Variants in RPAIN observed in about 807,000 individuals in gnomAD.
The protein encoded by RPAIN is RPA interacting protein.
Under a neutral mutation model 30.5 loss-of-function variants are expected in RPAIN, and 29 were observed. The ratio of observed to expected loss-of-function variants is 0.95; its 90% CI spans 0.71 to 1.30. The LOEUF is 1.30. Among genes scored for constraint, RPAIN ranks in the 50% most tolerant of loss-of-function variants. RPAIN has a pLI of 0.00. For missense variants in RPAIN, 247 were observed against 264.7 expected (o/e 0.93, Z 0.46); for synonymous variants, 101 against 93.5 (o/e 1.08, Z -0.46).
chr17:5,426,233 T>C lies in RPAIN; in HGVS notation c.426-3T>C. The C allele has an allele frequency of 1.2e-6, 2 of 1,614,164 alleles. No homozygotes were observed. The highest frequency in any genetic ancestry group is 1.7e-6 in the Non-Finnish European group (2 of 1,179,944). On this transcript the variant is annotated splice_polypyrimidine_tract_variant and splice_region_variant and intron_variant, in intron 4 of 6. Transcript: ENST00000381209. ...TGCTCTGGGATCCTAATTCTGCTTC[T>C]AGGTACAACCTGAGAATCACAAGCG...
chr17:5,425,460 C>T (rs1330664977), intron 3 of RPAIN: 5 of 406,470 alleles, frequency 1.2e-5, no homozygotes, highest in African/African-American at 2.1e-5. Context: ...CTCAGCCTCC[C>T]GAGTAGCTGG....
chr17:5,425,405 G>A (rs889196251), intron 3 of RPAIN: 10 of 446,006 alleles, frequency 2.2e-5, no homozygotes, highest in Non-Finnish European at 4.5e-5. Flanking sequence ...GCGCAATCTC[G>A]GATCACTGCA....
intron 6 of RPAIN, chr17:5,429,248 T>C (rs1416265858): frequency 2.4e-5 from 24 of 985,206 alleles, no homozygotes; most frequent in Non-Finnish European, 2.9e-5. Flanking sequence ...GCATTTAACT[T>C]GGCCTTGAAG....
chr17:5,422,269 G>C (rs186216420), intron 2 of RPAIN, among the ~76,000 whole-genome samples: 2 of 152,302 alleles, frequency 1.3e-5, no homozygotes, highest in African/African-American at 4.8e-5. Flanking sequence ...AATGTTTTCA[G>C]CATTGTAAGG....
intron 6 of RPAIN, chr17:5,431,591 C>T (rs1915955543): frequency 2.2e-6 from 1 of 455,898 alleles, no homozygotes; most frequent in Non-Finnish European, 4.4e-6. Context: ...TCCACTAGAC[C>T]TTTGGTTTTC....
chr17:5,429,411 C>T (rs1915699102), intron 6 of RPAIN: 1 of 985,306 alleles, frequency 1.0e-6, no homozygotes, highest in East Asian at 1.1e-4. Context: ...GCATTAGGTT[C>T]ATGAGGGAGA....
chr17:5,422,121 A>G (rs1914924707), intron 2 of RPAIN, among the ~76,000 whole-genome samples: 1 of 152,214 alleles, frequency 6.6e-6, no homozygotes, highest in African/African-American at 2.4e-5. Flanking sequence ...TGGAAGGGAA[A>G]ACCATTTATA....
At chr17:5,425,893 C>A in intron 3 of RPAIN, 78 bp from the exon 4 acceptor site, 1 of 902,338 alleles carries the variant, frequency 1.1e-6, no homozygotes, top group Non-Finnish European at 1.8e-6. Flanking sequence ...TGAAGGAAGC[C>A]TTTGACAGTG....
Position 5,420,191 on chromosome 17 carries a change from T to G in RPAIN, c.-20T>G, listed in dbSNP as rs766596301. 1.2e-6 allele frequency: 2 copies of G among 1,612,850 alleles called. No individual in the cohort carries two copies. Among genetic ancestry groups the G allele is most frequent in the African/African-American group, 1.3e-5 (1 of 74,894 alleles). ...CCTCCAGGGAACGGGTCTTGTGGCTTTGTCTCCCGCGAAGAGGAGATGGCG... is the reference window on the plus strand; with the variant it reads ...CCTCCAGGGAACGGGTCTTGTGGCTGTGTCTCCCGCGAAGAGGAGATGGCG... On this transcript the variant is annotated 5_prime_UTR_variant, in exon 1 of 7. Transcript: ENST00000381209.
At chr17:5,430,991 T>C (rs1444019938) in intron 6 of RPAIN, 1 of 172,566 alleles carries the variant, frequency 5.8e-6, no homozygotes, top group African/African-American at 2.4e-5. Flanking sequence ...GCTCAGCATA[T>C]AATTGTTATG....
intron 3 of RPAIN, among the ~76,000 whole-genome samples, chr17:5,424,716 T>A (rs1398094664): frequency 6.6e-6 from 1 of 152,214 alleles, no homozygotes; most frequent in East Asian, 1.9e-4. Context: ...AGTGAAGAAG[T>A]TAATATATGT....
At chr17:5,432,239 C>T in intron 6 of RPAIN, 1 of 345,312 alleles carries the variant, frequency 2.9e-6, no homozygotes, top group Non-Finnish European at 5.3e-6. Flanking sequence ...TGAATACAAT[C>T]TTTCTGGTCA....
chr17:5,428,594 G>GT, intron 6 of RPAIN: 2 of 1,028,782 alleles, frequency 1.9e-6, no homozygotes. Context: ...GCAGCATTAG[G>GT]TTTGTCTGTC....
chr17:5,432,124 T>C (rs1430175705), intron 6 of RPAIN: 3 of 228,754 alleles, frequency 1.3e-5, no homozygotes, highest in Admixed American at 1.0e-4. Flanking sequence ...GTACTGATCA[T>C]GCATGGTTTG....
At chr17:5,426,136 G>A in intron 4 of RPAIN, 54 bp downstream of exon 4, 1 of 1,546,808 alleles carries the variant, frequency 6.5e-7, no homozygotes, top group South Asian at 1.1e-5. Context: ...CCCACTCCAA[G>A]GTGAGTGGAA....
chr17:5,426,045 T>C lies in RPAIN; in HGVS notation c.388T>C (p.Trp130Arg). The C allele has an allele frequency of 6.2e-7, 1 of 1,613,806 alleles. No homozygotes were observed. Among genetic ancestry groups the C allele is most frequent in the Middle Eastern group, 1.6e-4 (1 of 6,062 alleles). The change falls in exon 4 of 7, where the codon TGG becomes CGG. Residue 130 changes from tryptophan to arginine, a missense_variant. Coordinates refer to ENST00000381209, the MANE Select transcript of RPAIN (RefSeq NM_001033002.4). ...EKCLSIMLAE[W>R]EANPLICPVC... ...GTGTCTCAGCATCATGCTGGCTGAG[T>C]GGGAGGCAAACCCACTCATCTGTCC...
At position 5,428,366 on chromosome 17, in the gene RPAIN, C is replaced by A; in HGVS notation, c.630+155C>A. The A allele has an allele frequency of 2.0e-6, 3 of 1,513,984 alleles. No homozygotes were observed. The South Asian group carries it at 3.8e-5, about 19-fold the overall frequency. The allele number at this position is 1,513,984 out of a possible 1,614,324, so 93.8% of individuals were successfully genotyped here. A position where few individuals can be genotyped will look rare whatever the true frequency, so the allele number is the denominator to read the frequency against. Reference sequence around the variant, plus strand: ...GCATAGAAAAGTGAAGGTAACAAGTCATTTAGACTCAAAGGCCAGTCAGAA... The same window carrying A: ...GCATAGAAAAGTGAAGGTAACAAGTAATTTAGACTCAAAGGCCAGTCAGAA... On this transcript the variant is annotated intron_variant, in intron 6 of 6. Transcript: ENST00000381209.
At chr17:5,420,333 C>T (rs773760653) in intron 1 of RPAIN, 42 bp downstream of exon 1, 1 of 1,542,170 alleles carries the variant, frequency 6.5e-7, no homozygotes, top group East Asian at 2.3e-5. Flanking sequence ...TAGATCGTCC[C>T]GGTGACCGCC....
intron 1 of RPAIN, 100 bp downstream of exon 1, chr17:5,420,391 A>G (rs1197236648): frequency 1.9e-6 from 2 of 1,040,448 alleles, no homozygotes; most frequent in Non-Finnish European, 2.8e-6. Flanking sequence ...CAGGTGCCGC[A>G]GCGCGCCTGG....
Sources: gnomAD v4.1 joint callset for allele counts (sites outside exome capture counted in the v4.1 genomes callset) on GRCh38, gnomAD v4.1.1 for gene constraint, MANE v1.5 for transcripts, NCBI Gene and HGNC (gene_info 2026-07-23, HGNC 2026-07-21) for gene names.